Variants in TTC39C observed in about 807,000 individuals in gnomAD.
TTC39C encodes the protein tetratricopeptide repeat domain 39C, also known as tetratricopeptide repeat protein 39C.
A neutral mutation model predicts 76.3 loss-of-function variants in TTC39C; 33 were observed. That is an observed-to-expected ratio of 0.43 (90% CI 0.33 to 0.58). TTC39C has a LOEUF of 0.58. TTC39C is among the 20% of genes least tolerant of loss of function. The pLI, the probability that TTC39C is intolerant of heterozygous loss-of-function variation, is 0.04. For synonymous variants in TTC39C, 254 were observed against 260.6 expected, an observed-to-expected ratio of 0.97 and a Z score of 0.24; for missense variants, 595 against 701.4, an observed-to-expected ratio of 0.85 and a Z score of 1.71.
At chr18:24,064,042 G>A in intron 1 of TTC39C, 98 bp from the exon 2 acceptor site, 1 of 1,487,932 alleles carries the variant, frequency 6.7e-7, no homozygotes, top group Non-Finnish European at 9.1e-7. Flanking sequence ...TCAATTAGAA[G>A]GATTATATGG....
intron 4 of TTC39C, among the ~76,000 whole-genome samples, chr18:24,072,409 C>T (rs530077069): frequency 2.6e-5 from 4 of 151,986 alleles, no homozygotes; most frequent in Non-Finnish European, 4.4e-5. Context: ...GATTCTCGTA[C>T]GTTAGCCTCC....
At chr18:23,996,448 C>T (rs1381831679) in intron 1 of TTC39C, among the ~76,000 whole-genome samples, 1 of 152,190 alleles carries the variant, frequency 6.6e-6, no homozygotes, top group Non-Finnish European at 1.5e-5. Flanking sequence ...ATTAAACATG[C>T]CTGCAGTCCA....
intron 1 of TTC39C, among the ~76,000 whole-genome samples, chr18:24,023,935 TATATATATATGC>T (rs1568408563): frequency 1.5e-4 from 3 of 19,990 alleles, no homozygotes; most frequent in Non-Finnish European, 3.6e-4. Context: ...TAAAATTACA[TATATATATATGC>T]ATGTATATAT....
chr18:24,114,448 A>T, intron 6 of TTC39C, 106 bp from the exon 7 acceptor site: 1 of 852,066 alleles, frequency 1.2e-6, no homozygotes, highest in Non-Finnish European at 1.9e-6. Flanking sequence ...TATATTGCTT[A>T]ACCTGTTTAA....
intron 8 of TTC39C, among the ~76,000 whole-genome samples, chr18:24,119,248 A>G (rs542662402): frequency 6.6e-6 from 1 of 152,334 alleles, no homozygotes; most frequent in African/African-American, 2.4e-5. Flanking sequence ...GAGGTGTGGA[A>G]TTGAAGAAAG....
In TTC39C at chr18:23,995,192, G is replaced by C. The variant is rs578224362; in HGVS notation, c.-17+2154G>C. Among the ~76,000 whole-genome samples the C allele has an allele frequency of 8.2e-3, 1,248 of 152,240 alleles. 9 individuals are homozygous for C. Among genetic ancestry groups the C allele is most frequent in the Non-Finnish European group, 0.012 (800 of 68,020 alleles). ...CTGTTAAATAAATGGAATCGGCCAG[G>C]CGTGGTAGCTCATGTATGTAATTCT... On this transcript the variant is annotated intron_variant, in intron 1 of 13. Coordinates refer to the TTC39C transcript ENST00000304621.
At chr18:24,103,500 G>A (rs1203461668) in intron 6 of TTC39C, among the ~76,000 whole-genome samples, 4 of 152,172 alleles carry the variant, frequency 2.6e-5, no homozygotes, top group Admixed American at 6.5e-5. Flanking sequence ...AACAGCACAC[G>A]TGTGGTCTGG....
chr18:24,101,553 G>A (rs559228305), intron 6 of TTC39C, among the ~76,000 whole-genome samples: 149 of 70,402 alleles, frequency 2.1e-3, no homozygotes, highest in Non-Finnish European at 3.7e-3. Flanking sequence ...GCGAGACTCC[G>A]TCTCAAAAAA....
Position 24,127,641 on chromosome 18 carries a change from T to C in TTC39C, c.1421-1245T>C, listed in dbSNP as rs193260805. Among the ~76,000 whole-genome samples the C allele has an allele frequency of 3.3e-5, 5 of 152,184 alleles. No individual in the cohort carries two copies. In the East Asian group the frequency reaches 9.7e-4, roughly 29 times the overall value. ...AAGCGATCCTCCAACCTCAGCCTCCTGAGTAGCTGGGACTACAGGGGGCAT... is the reference window on the plus strand; with the variant it reads ...AAGCGATCCTCCAACCTCAGCCTCCCGAGTAGCTGGGACTACAGGGGGCAT... On this transcript the variant is annotated intron_variant, in intron 10 of 13. Coordinates refer to ENST00000317571, the MANE Select transcript of TTC39C (RefSeq NM_001135993.2).
rs1469011640 is a variant in TTC39C at position 24,064,120 on chromosome 18, T to C, written c.168-20T>C. ...TGAAAATAATTGTATTTTGTGTGTG[T>C]GTGTGTGTTTTTTTAACAGAAATCA... On this transcript the variant is annotated intron_variant, in intron 1 of 13. Coordinates refer to ENST00000317571, the MANE Select transcript of TTC39C (RefSeq NM_001135993.2). 6 of 1,613,118 alleles carry C rather than the reference T, an allele frequency of 3.7e-6. No homozygotes were observed. The highest frequency in any genetic ancestry group is 5.1e-6 in the Non-Finnish European group (6 of 1,179,752).
At chr18:24,056,025 T>C (rs1183976738) in intron 1 of TTC39C, among the ~76,000 whole-genome samples, 1 of 152,216 alleles carries the variant, frequency 6.6e-6, no homozygotes, top group Non-Finnish European at 1.5e-5. Flanking sequence ...TCACTTATCC[T>C]TTTGGCAAAA....
chr18:24,108,461 T>G (rs560350564), intron 6 of TTC39C, among the ~76,000 whole-genome samples: 29 of 152,226 alleles, frequency 1.9e-4, no homozygotes, highest in Non-Finnish European at 3.1e-4. Flanking sequence ...AAACTTTTGC[T>G]GGGTAGCTGA....
In TTC39C at chr18:23,998,390, G is replaced by A. The variant is rs140284361; in HGVS notation, c.-17+5352G>A. The stretch of plus-strand genomic sequence containing the variant: ...TGTAATCACAGTGCTTTCAGAGGCC[G>A]AGGCATTTGGATCACTTGAGGCCAT... On this transcript the variant is annotated intron_variant, in intron 1 of 13. Transcript: ENST00000304621. 3.9e-3 allele frequency among the ~76,000 whole-genome samples: 597 copies of A among 152,288 alleles called. 4 individuals are homozygous for A. Among genetic ancestry groups the A allele is most frequent in the Non-Finnish European group, 5.7e-3 (386 of 68,036 alleles).
intron 4 of TTC39C, among the ~76,000 whole-genome samples, chr18:24,075,854 CA>C (rs2084301378): frequency 6.6e-6 from 1 of 152,136 alleles, no homozygotes; most frequent in Non-Finnish European, 1.5e-5. Context: ...AAAATTTATC[CA>C]AGATCAATTT....
At chr18:24,084,064 A>G in intron 6 of TTC39C, among the ~76,000 whole-genome samples, 1 of 152,152 alleles carries the variant, frequency 6.6e-6, no homozygotes, top group East Asian at 1.9e-4. Context: ...AGTGGAGTGT[A>G]TATTACTTTC....
At chr18:24,099,039 A>G (rs11661297) in intron 6 of TTC39C, among the ~76,000 whole-genome samples, 85,541 of 131,172 alleles carry the variant, frequency 0.65, 27,150 homozygotes, top group Middle Eastern at 0.75. Flanking sequence ...GTGTGTGTAT[A>G]TATATATCTA....
intron 4 of TTC39C, among the ~76,000 whole-genome samples, chr18:24,074,181 G>T (rs1027412282): frequency 6.6e-6 from 1 of 152,206 alleles, no homozygotes; most frequent in Admixed American, 6.5e-5. Context: ...AGGTTGAATA[G>T]GGAACAAGTG....
chr18:24,020,751 C>G (rs1490935130), intron 1 of TTC39C, among the ~76,000 whole-genome samples: 1 of 151,900 alleles, frequency 6.6e-6, no homozygotes, highest in African/African-American at 2.4e-5. Flanking sequence ...CCTTTTTTTC[C>G]AAGTATGTTT....
In TTC39C at chr18:24,080,756, C is replaced by G; in HGVS notation, c.632C>G (p.Ser211Cys). The G allele has an allele frequency of 6.2e-7, 1 of 1,614,102 alleles. No individual in the cohort carries two copies. Among genetic ancestry groups the G allele is most frequent in the South Asian group, 1.1e-5 (1 of 91,078 alleles). ...GTGGCTGAAGGGGTGTCTGAGGAGTCTCTGAACAGACTGAAAGGTGCTGTT... is the reference window on the plus strand; with the variant it reads ...GTGGCTGAAGGGGTGTCTGAGGAGTGTCTGAACAGACTGAAAGGTGCTGTT... The part of the protein sequence containing the change: ...HIVAEGVSEE[S>C]LNRLKGAVSF... The change falls in exon 5 of 14, where the codon TCT (serine) becomes TGT (cysteine). Residue 211 changes from serine to cysteine, a missense_variant. Transcript: ENST00000317571.
Sources: allele counts gnomAD v4.1 joint callset (sites outside exome capture counted in the v4.1 genomes callset), GRCh38; gene constraint gnomAD v4.1.1; transcripts MANE v1.5; gene names NCBI Gene and HGNC (gene_info 2026-07-23, HGNC 2026-07-21).